Variants in PRORP observed in about 807,000 individuals in gnomAD.
The protein encoded by PRORP is protein only RNase P catalytic subunit.
In PRORP, 51 loss-of-function variants were observed where a neutral mutation model predicts 59.4. The observed-to-expected ratio is 0.86, with a 90% CI of 0.69 to 1.08. PRORP has a LOEUF of 1.08. Ranked by LOEUF, PRORP falls within the 50% of genes least tolerant of loss-of-function variation. The pLI is 0.00. For synonymous variants in PRORP, 231 were observed against 245.6 expected, an observed-to-expected ratio of 0.94 and a Z score of 0.55; for missense variants, 646 against 690.3, an observed-to-expected ratio of 0.94 and a Z score of 0.72.
chr14:35,182,996 A>G (rs902732725), intron 5 of PRORP, among the ~76,000 whole-genome samples: 1 of 152,200 alleles, frequency 6.6e-6, no homozygotes, highest in African/African-American at 2.4e-5. Context: ...AGCCCGATAC[A>G]TATTTAAATA....
At chr14:35,124,826 A>G (rs1461047045) in intron 2 of PRORP, among the ~76,000 whole-genome samples, 1 of 150,314 alleles carries the variant, frequency 6.7e-6, no homozygotes, top group African/African-American at 2.5e-5. Context: ...TCTGAAATCT[A>G]GCGACTGAGA....
intron 5 of PRORP, among the ~76,000 whole-genome samples, chr14:35,241,377 CA>C (rs532766908): frequency 0.1 from 14,219 of 138,978 alleles, 681 homozygotes; most frequent in African/African-American, 0.13. Context: ...GACTCCGTCT[CA>C]AAAAAAAAAA....
intron 5 of PRORP, among the ~76,000 whole-genome samples, chr14:35,196,058 TATC>T (rs2049000463): frequency 1.3e-5 from 2 of 152,212 alleles, no homozygotes; most frequent in African/African-American, 4.8e-5. Context: ...CCCCAATAAA[TATC>T]ATCCAAACAA....
chr14:35,247,122 C>G (rs775812370), intron 5 of PRORP, among the ~76,000 whole-genome samples: 1 of 152,156 alleles, frequency 6.6e-6, no homozygotes, highest in Admixed American at 6.6e-5. Flanking sequence ...AGAATCTGAA[C>G]CCAGGCAGCC....
chr14:35,240,769 C>T (rs559811130), intron 5 of PRORP, among the ~76,000 whole-genome samples: 2 of 152,242 alleles, frequency 1.3e-5, no homozygotes, highest in African/African-American at 4.8e-5. Context: ...CTGAAATTGC[C>T]TCCTCAATTA....
intron 5 of PRORP, among the ~76,000 whole-genome samples, chr14:35,244,305 T>A (rs1371733485): frequency 6.6e-6 from 1 of 152,216 alleles, no homozygotes; most frequent in African/African-American, 2.4e-5. Context: ...TTTAACTTTT[T>A]AGAGGACCAG....
chr14:35,225,074 A>T (rs532230423), intron 5 of PRORP, among the ~76,000 whole-genome samples: 58 of 152,174 alleles, frequency 3.8e-4, no homozygotes, highest in African/African-American at 1.4e-3. Flanking sequence ...AGTATCAGAA[A>T]TTTTTTTCCA....
chr14:35,152,407 G>T (rs1030756584), intron 4 of PRORP, among the ~76,000 whole-genome samples: 1 of 152,106 alleles, frequency 6.6e-6, no homozygotes. Context: ...CCACAAAACC[G>T]CCATCATCAT....
At chr14:35,163,920 T>C (rs1016244871) in intron 4 of PRORP, among the ~76,000 whole-genome samples, 3 of 152,222 alleles carry the variant, frequency 2.0e-5, no homozygotes, top group Admixed American at 2.0e-4. Flanking sequence ...ATTTAAATCT[T>C]TAATCCATCT....
chr14:35,180,556 T>C (rs1313235931), intron 4 of PRORP, 114 bp from the exon 5 acceptor site: 1 of 531,744 alleles, frequency 1.9e-6, no homozygotes, highest in African/African-American at 2.2e-5. Flanking sequence ...GTGTGTATTT[T>C]TAAGGGATGA....
intron 5 of PRORP, among the ~76,000 whole-genome samples, chr14:35,189,708 C>T (rs2048834304): frequency 6.6e-6 from 1 of 152,126 alleles, no homozygotes; most frequent in South Asian, 2.1e-4. Context: ...TGTCTATTAA[C>T]AATGATTCTT....
At chr14:35,204,065 C>T (rs1331836395) in intron 5 of PRORP, among the ~76,000 whole-genome samples, 1 of 152,180 alleles carries the variant, frequency 6.6e-6, no homozygotes, top group East Asian at 1.9e-4. Context: ...TCTGTTACCT[C>T]CTTTAATCTG....
intron 4 of PRORP, among the ~76,000 whole-genome samples, chr14:35,138,507 A>T (rs7144822): frequency 0.29 from 42,199 of 144,530 alleles, 9,810 homozygotes; most frequent in African/African-American, 0.45. Flanking sequence ...TAATTTGAGA[A>T]TATGAGGTAT....
chr14:35,187,189 G>T (rs1477586052), intron 5 of PRORP, among the ~76,000 whole-genome samples: 3 of 152,130 alleles, frequency 2.0e-5, no homozygotes, highest in African/African-American at 7.2e-5. Context: ...AGTAGAATTG[G>T]TGGGTCATAT....
At chr14:35,212,282 G>A (rs2049468356) in intron 5 of PRORP, among the ~76,000 whole-genome samples, 1 of 152,072 alleles carries the variant, frequency 6.6e-6, no homozygotes, top group Admixed American at 6.6e-5. Flanking sequence ...GTTACTATTG[G>A]TATTTTGACC....
intron 5 of PRORP, among the ~76,000 whole-genome samples, chr14:35,188,961 A>AAAAAAAAAAAAAGAAAG (rs1555326788): frequency 1.1e-4 from 15 of 132,760 alleles, no homozygotes; most frequent in African/African-American, 2.0e-4. Flanking sequence ...AAAAAAAAAA[A>AAAAAAAAAAAAAGAAAG]AAAGTATTGC....
chr14:35,180,595 AG>A (rs2048579820), intron 4 of PRORP, 74 bp from the exon 5 acceptor site: 1 of 750,392 alleles, frequency 1.3e-6, no homozygotes, highest in African/African-American at 1.8e-5. Flanking sequence ...ACAATAATAA[AG>A]GTCACTGCAG....
At chr14:35,146,357 G>A (rs138851872) in intron 4 of PRORP, among the ~76,000 whole-genome samples, 68 of 152,222 alleles carry the variant, frequency 4.5e-4, no homozygotes, top group African/African-American at 1.5e-3. Flanking sequence ...ACAAAGAGGT[G>A]TTTCTCTAAA....
chr14:35,203,263 T>C (rs2049203302), intron 5 of PRORP, among the ~76,000 whole-genome samples: 1 of 152,176 alleles, frequency 6.6e-6, no homozygotes, highest in African/African-American at 2.4e-5. Flanking sequence ...ACTAATGAAA[T>C]TGGCACTTCA....
Sources: allele counts gnomAD v4.1 joint callset (sites outside exome capture counted in the v4.1 genomes callset), GRCh38; gene constraint gnomAD v4.1.1; transcripts MANE v1.5; gene names NCBI Gene and HGNC (gene_info 2026-07-23, HGNC 2026-07-21).